Variants in MAN1A1 observed in about 807,000 individuals in gnomAD.
MAN1A1 encodes mannosyl-oligosaccharide 1,2-alpha-mannosidase IA.
MAN1A1 carries 29 observed loss-of-function variants against 70.8 expected under a neutral mutation model. The ratio of observed to expected loss-of-function variants is 0.41; its 90% CI spans 0.31 to 0.56. MAN1A1 has a LOEUF of 0.56. Ranked by LOEUF, MAN1A1 falls within the 20% of genes least tolerant of loss-of-function variation. MAN1A1 has a pLI of 0.29. For missense variants in MAN1A1, 747 were observed against 841.3 expected, an observed-to-expected ratio of 0.89 and a Z score of 1.39; for synonymous variants, 349 against 330.1, an observed-to-expected ratio of 1.06 and a Z score of -0.62.
Position 119,201,338 on chromosome 6 carries a change from T to C in MAN1A1, c.1126A>G (p.Ile376Val). 1.9e-6 allele frequency: 3 copies of C among 1,604,316 alleles called. 1 individual carries two copies. The South Asian group carries it at 3.3e-5, about 18-fold the overall frequency. ...NPIFAEKVMNIRTVLNKLEKP... is the reference protein window; with the variant it reads ...NPIFAEKVMNVRTVLNKLEKP... ...TCCAGTTTGTTCAGTACTGTTCGAA[T>C]ATTCATTACCTATAATAGAAAATAA... Residue 376 changes from isoleucine to valine, a missense_variant, in exon 8 of 13, where the codon ATT (isoleucine) becomes GTT (valine). Around this residue, in one of 2 missense-constraint regions of MAN1A1, gnomAD observed 419 missense variants for 548.2 expected, o/e 0.76. Coordinates refer to ENST00000368468, the MANE Select transcript of MAN1A1 (RefSeq NM_005907.4).
chr6:119,201,235 T>A lies in MAN1A1; in HGVS notation c.1210+19A>T. ...ACAGTACCAAAAAGAGCTATAATAA[T>A]GCAAATCTTCTGACTTACGTTGACC... is the stretch of plus-strand genomic sequence containing the variant. On this transcript the variant is annotated intron_variant, in intron 8 of 12. Transcript: ENST00000368468. The A allele has an allele frequency of 6.4e-7, 1 of 1,556,632 alleles. No individual in the cohort carries two copies.
intron 6 of MAN1A1, among the ~76,000 whole-genome samples, chr6:119,231,160 G>A (rs1052731536): frequency 1.3e-5 from 2 of 152,114 alleles, no homozygotes; most frequent in Admixed American, 1.3e-4. Context: ...TTGATTAAAG[G>A]GAAAAAGTAT....
At chr6:119,244,391 T>G (rs1157857987) in intron 6 of MAN1A1, among the ~76,000 whole-genome samples, 1 of 152,104 alleles carries the variant, frequency 6.6e-6, no homozygotes, top group African/African-American at 2.4e-5. Context: ...TATGATCATA[T>G]TGGTGAAGGA....
chr6:119,328,309 C>T (rs528797049), intron 2 of MAN1A1, among the ~76,000 whole-genome samples: 1 of 152,268 alleles, frequency 6.6e-6, no homozygotes. Flanking sequence ...CAAAGGTTTC[C>T]TAGCATGCAA....
At chr6:119,233,195 C>T (rs1774736696) in intron 6 of MAN1A1, among the ~76,000 whole-genome samples, 1 of 152,080 alleles carries the variant, frequency 6.6e-6, no homozygotes, top group Non-Finnish European at 1.5e-5. Flanking sequence ...TATTGCTTAC[C>T]CAACCAATAT....
rs769863858 is a variant in MAN1A1 at position 119,290,787 on chromosome 6, A to G, written c.817-24T>C. On this transcript the variant is annotated intron_variant, in intron 4 of 12. Transcript: ENST00000368468. The stretch of plus-strand genomic sequence containing the variant: ...TTCTATGGAAAAAAAAAATTCAAAC[A>G]TGATGATAGTACACAATTCAGAAAA... 8.5e-6 allele frequency: 12 copies of G among 1,405,168 alleles called. No homozygotes were observed. The South Asian group carries it at 1.3e-4, about 15-fold the overall frequency. The allele number at this position is 1,405,168 out of a possible 1,614,324, so 87.0% of individuals were successfully genotyped here. A position where few individuals can be genotyped will look rare whatever the true frequency, so the allele number is the denominator to read the frequency against.
rs560195184 is a variant in MAN1A1, at chr6:119,179,647, G to A, written c.*172C>T. On this transcript the variant is annotated 3_prime_UTR_variant, in exon 13 of 13. Coordinates refer to ENST00000368468, the MANE Select transcript of MAN1A1 (RefSeq NM_005907.4). ...CTGAATTAATAAAGGATATGATAAG[G>A]AATTTAGGTCCACCTATACCTATGA... 1.1e-4 allele frequency: 50 copies of A among 474,136 alleles called. No individual in the cohort carries two copies. Among genetic ancestry groups the A allele is most frequent in the African/African-American group, 9.3e-4 (48 of 51,790 alleles). 29.4% of individuals were successfully genotyped at this position (474,136 alleles called of 1,614,324 possible).
intron 3 of MAN1A1, among the ~76,000 whole-genome samples, chr6:119,304,803 C>T (rs889083518): frequency 1.3e-5 from 2 of 152,128 alleles, no homozygotes; most frequent in African/African-American, 4.8e-5. Flanking sequence ...AATAACTTAG[C>T]TCAAACTAAA....
intron 5 of MAN1A1, among the ~76,000 whole-genome samples, chr6:119,286,870 T>C (rs1582769287): frequency 6.6e-6 from 1 of 152,184 alleles, no homozygotes; most frequent in East Asian, 1.9e-4. Context: ...TTCCATGTGG[T>C]TTGTCTATTT....
chr6:119,349,249 G>T lies in MAN1A1; in HGVS notation c.-184C>A. The T allele has an allele frequency of 8.2e-7, 1 of 1,213,836 alleles. No homozygotes were observed. The highest frequency in any genetic ancestry group is 1.0e-6 in the Non-Finnish European group (1 of 977,008). The allele number at this position is 1,213,836 out of a possible 1,614,324, so 75.2% of individuals were successfully genotyped here. On this transcript the variant is annotated 5_prime_UTR_variant, in exon 2 of 13. Transcript: ENST00000368468. ...GTCTTCTCCCCGGGGCGGCTCCTCG[G>T]GCACACAGGCACGCGCGACAGACCG...
rs1390607650 is a variant in MAN1A1 at position 119,188,544 on chromosome 6, T to C, written c.1580A>G (p.Asp527Gly). ...TGTAGCGATGGCTTCAACACCACCA[T>C]CAAATCTGAAAGCTTCTGGTCCCAG... is the stretch of plus-strand genomic sequence containing the variant. ...MKLGPEAFRF[D>G]GGVEAIATRQ... Residue 527 changes from aspartate (D) to glycine (G), a missense_variant, in exon 11 of 13, where the codon GAT becomes GGT. Around this residue, in one of 2 missense-constraint regions of MAN1A1, gnomAD observed 419 missense variants for 548.2 expected, o/e 0.76. Transcript: ENST00000368468. 6.2e-7 allele frequency: 1 copy of C among 1,613,426 alleles called. No individual in the cohort carries two copies. Among genetic ancestry groups the C allele is most frequent in the East Asian group, 2.2e-5 (1 of 44,866 alleles).
intron 6 of MAN1A1, among the ~76,000 whole-genome samples, chr6:119,226,328 G>C (rs1031317425): frequency 1.3e-5 from 2 of 152,186 alleles, no homozygotes; most frequent in Admixed American, 6.5e-5. Context: ...CAAGGGTGAC[G>C]CACAGCAGCC....
At chr6:119,280,630 C>T (rs531575594) in intron 5 of MAN1A1, among the ~76,000 whole-genome samples, 21 of 152,260 alleles carry the variant, frequency 1.4e-4, no homozygotes, top group Middle Eastern at 3.4e-3. Flanking sequence ...CTTATATACC[C>T]TTCTAAAGGA....
At chr6:119,343,874 G>C (rs890106882) in intron 2 of MAN1A1, among the ~76,000 whole-genome samples, 1 of 152,144 alleles carries the variant, frequency 6.6e-6, no homozygotes, top group Non-Finnish European at 1.5e-5. Flanking sequence ...GTATAACCAG[G>C]TTCCAGTGCA....
intron 2 of MAN1A1, among the ~76,000 whole-genome samples, chr6:119,309,441 C>T (rs564709190): frequency 6.6e-6 from 1 of 152,332 alleles, no homozygotes; most frequent in African/African-American, 2.4e-5. Context: ...CATTTAATTT[C>T]TCTAGACCCA....
At chr6:119,316,805 A>G (rs1772866106) in intron 2 of MAN1A1, among the ~76,000 whole-genome samples, 1 of 152,070 alleles carries the variant, frequency 6.6e-6, no homozygotes, top group African/African-American at 2.4e-5. Context: ...TACAAATACT[A>G]TGAGGTTATC....
chr6:119,318,881 T>C (rs1772925750), intron 2 of MAN1A1, among the ~76,000 whole-genome samples: 2 of 152,200 alleles, frequency 1.3e-5, no homozygotes, highest in Admixed American at 6.5e-5. Context: ...TCATTGAGGA[T>C]TGTATTTCAT....
rs562972041 is a variant in MAN1A1 at position 119,291,305 on chromosome 6, A to G, written c.817-542T>C. Among the ~76,000 whole-genome samples, 3 of 152,176 alleles carry G rather than the reference A, an allele frequency of 2.0e-5. No homozygotes were observed. In the South Asian group the frequency reaches 6.2e-4, roughly 32 times the overall value. Reference sequence around the variant, plus strand: ...TCCGCCATGATTGTGAGGCCTCCCCAGCCATGTGAAACTGTTAAATCCATT... The same window carrying G: ...TCCGCCATGATTGTGAGGCCTCCCCGGCCATGTGAAACTGTTAAATCCATT... On this transcript the variant is annotated intron_variant, in intron 4 of 12. Coordinates refer to ENST00000368468, the MANE Select transcript of MAN1A1 (RefSeq NM_005907.4).
chr6:119,182,398 T>C (rs1323868386), intron 11 of MAN1A1, among the ~76,000 whole-genome samples: 3 of 152,182 alleles, frequency 2.0e-5, no homozygotes, highest in Non-Finnish European at 4.4e-5. Context: ...TTGCCTGTGT[T>C]TTTGGGTCGA....
Sources: allele counts gnomAD v4.1 joint callset (sites outside exome capture counted in the v4.1 genomes callset), GRCh38; gene constraint gnomAD v4.1.1; regional missense constraint gnomAD v4.1.1; transcripts MANE v1.5; gene names NCBI Gene and HGNC (gene_info 2026-07-23, HGNC 2026-07-21).